The following SARS2 variants were observed in gnomAD, a reference collection of about 807,000 sequenced individuals.
The protein encoded by SARS2 is serine--tRNA ligase, mitochondrial.
Under a neutral mutation model 66.8 loss-of-function variants are expected in SARS2, and 52 were observed. The ratio of observed to expected loss-of-function variants is 0.78; its 90% CI spans 0.62 to 0.98. The LOEUF (loss-of-function observed/expected upper bound fraction) is 0.98, where lower values mean the gene tolerates loss of function less well. Among genes scored for constraint, SARS2 ranks in the 50% least tolerant of loss-of-function variants. SARS2 has a pLI of 0.00. For synonymous variants in SARS2, 306 were observed against 281.4 expected, an observed-to-expected ratio of 1.09 and a Z score of -0.87; for missense variants, 673 against 706.3, an observed-to-expected ratio of 0.95 and a Z score of 0.53.
intron 5 of SARS2, among the ~76,000 whole-genome samples, chr19:38,920,982 C>CACAGAT (rs1974518088): frequency 6.6e-6 from 1 of 150,482 alleles, no homozygotes; most frequent in South Asian, 2.1e-4. Flanking sequence ...CACACACAAA[C>CACAGAT]ACAGACACAC....
chr19:38,920,068 G>C lies in SARS2; in HGVS notation c.653+18C>G, dbSNP rs977210424. Reference sequence around the variant, plus strand: ...GGCAGCTGGGAGAGGGGCGTGGGGAGCCAGGGGAGGGGCTCACTTCTGACG... The same window carrying C: ...GGCAGCTGGGAGAGGGGCGTGGGGACCCAGGGGAGGGGCTCACTTCTGACG... On this transcript the variant is annotated intron_variant, in intron 6 of 15. Transcript: ENST00000221431. 1.2e-5 allele frequency: 18 copies of C among 1,556,398 alleles called. No individual in the cohort carries two copies. Among genetic ancestry groups the C allele is most frequent in the South Asian group, 2.4e-5 (2 of 84,486 alleles).
intron 9 of SARS2, 80 bp downstream of exon 9, chr19:38,918,342 C>T (rs550590004): frequency 1.3e-4 from 181 of 1,356,808 alleles, no homozygotes; most frequent in Middle Eastern, 6.3e-4. Flanking sequence ...GCAGGTGATC[C>T]CCCCCAGTGC....
At position 38,930,562 on chromosome 19, in the gene SARS2, C is replaced by A; in HGVS notation, c.175G>T (p.Asp59Tyr). ...GGGCATGCGCAGAACCGCTCTATGT[C>A]CAGCTGAGGGAGTGCGCTGTAGCCC... ...REGYSALPQLDIERFCACPEE... is the reference protein window; with the variant it reads ...REGYSALPQLYIERFCACPEE... The change falls in exon 1 of 16, where the codon GAC becomes TAC. Residue 59 changes from aspartate to tyrosine, a missense_variant. By Grantham distance (160) the Asp-to-Tyr change is radical. Transcript: ENST00000221431. The A allele has an allele frequency of 2.5e-6, 4 of 1,613,904 alleles. No individual in the cohort carries two copies. The highest frequency in any genetic ancestry group is 3.4e-6 in the Non-Finnish European group (4 of 1,180,018).
chr19:38,917,050 C>T (rs1482578444), intron 12 of SARS2, among the ~76,000 whole-genome samples: 1 of 151,652 alleles, frequency 6.6e-6, no homozygotes, highest in African/African-American at 2.4e-5. Flanking sequence ...GTAGCCTCCA[C>T]CTCCTGGGTT....
intron 1 of SARS2, among the ~76,000 whole-genome samples, chr19:38,929,115 G>A (rs1974681120): frequency 6.6e-6 from 1 of 152,114 alleles, no homozygotes; most frequent in South Asian, 2.1e-4. Context: ...TACTCGGGAG[G>A]CTGAGGTGGG....
intron 1 of SARS2, 62 bp downstream of exon 1, chr19:38,930,408 G>C (rs1974713889): frequency 6.5e-7 from 1 of 1,531,520 alleles, no homozygotes; most frequent in East Asian, 2.3e-5. Flanking sequence ...AGGGCATCTT[G>C]CAAACCCAAT....
At chr19:38,919,677 A>C in intron 7 of SARS2, 85 bp downstream of exon 7, 1 of 988,800 alleles carries the variant, frequency 1.0e-6, no homozygotes, top group Non-Finnish European at 1.6e-6. Context: ...AGGGCAGAGC[A>C]GAGATCACTC....
intron 1 of SARS2, among the ~76,000 whole-genome samples, chr19:38,929,180 A>G (rs1246139899): frequency 1.3e-5 from 2 of 151,632 alleles, no homozygotes; most frequent in Non-Finnish European, 2.9e-5. Context: ...CCTGGGAGAC[A>G]AGAGCAAAAC....
intron 5 of SARS2, among the ~76,000 whole-genome samples, chr19:38,920,677 A>G (rs1445488169): frequency 2.6e-5 from 4 of 152,108 alleles, no homozygotes; most frequent in Middle Eastern, 3.4e-3. Context: ...AGACAGACAC[A>G]CAGATACACG....
intron 1 of SARS2, among the ~76,000 whole-genome samples, chr19:38,927,562 A>T (rs181446899): frequency 5.3e-5 from 8 of 151,570 alleles, no homozygotes; most frequent in Non-Finnish European, 1.0e-4. Flanking sequence ...TGGGTGACAG[A>T]GTGAGACCTT....
At chr19:38,926,932 ATTT>A (rs771202609) in intron 1 of SARS2, among the ~76,000 whole-genome samples, 2 of 138,960 alleles carry the variant, frequency 1.4e-5, no homozygotes, top group Admixed American at 7.2e-5. Flanking sequence ...CCTCTAAGAA[ATTT>A]TTTTTTTTTT....
At chr19:38,928,413 T>C (rs1344441227) in intron 1 of SARS2, 2 of 37,602 alleles carry the variant, frequency 5.3e-5, no homozygotes, top group Non-Finnish European at 8.4e-5. Context: ...AACACACCCC[T>C]GGCCCCCCCC....
chr19:38,916,952 C>T (rs12462338), intron 12 of SARS2, among the ~76,000 whole-genome samples: 27,829 of 151,066 alleles, frequency 0.18, 2,719 homozygotes, highest in East Asian at 0.29. Flanking sequence ...TGTGAGCCAC[C>T]GTGCCTGGCC....
chr19:38,928,829 T>A lies in SARS2; in HGVS notation c.267+1641A>T, dbSNP rs80341637. On this transcript the variant is annotated intron_variant, in intron 1 of 15. Coordinates refer to ENST00000221431, the MANE Select transcript of SARS2 (RefSeq NM_017827.4). Reference sequence around the variant, plus strand: ...TGCCTTCACAGCATTTACCACAGATTATAATGAGTATATCTGTCTCTATGA... The same window carrying A: ...TGCCTTCACAGCATTTACCACAGATAATAATGAGTATATCTGTCTCTATGA... Among the ~76,000 whole-genome samples, 8 of 152,316 alleles carry A rather than the reference T, an allele frequency of 5.3e-5. No individual in the cohort carries two copies. The East Asian group carries it at 1.3e-3, about 26-fold the overall frequency.
Position 38,915,853 on chromosome 19 carries a change from A to G in SARS2, c.1401T>C (p.Ser467=). 1 of 1,613,316 alleles carries G rather than the reference A, an allele frequency of 6.2e-7. No homozygotes were observed. The highest frequency in any genetic ancestry group is 8.5e-7 in the Non-Finnish European group (1 of 1,179,908). ...VPRLLIALLE[S]NQQKDGSVLV... ...CTCAGCCCCTCACCTTCTGCTGGTT[A>G]CTCTCCAGGAGCGCGATGAGAAGGC... The change falls in exon 15 of 16, where the codon AGT becomes AGC. Residue 467 remains serine (S), a synonymous_variant. Coordinates refer to ENST00000221431, the MANE Select transcript of SARS2 (RefSeq NM_017827.4).
At chr19:38,928,220 A>G (rs558744851) in intron 1 of SARS2, 1 of 152,348 alleles carries the variant, frequency 6.6e-6, no homozygotes, top group African/African-American at 2.4e-5. Flanking sequence ...TCTACTAAAA[A>G]TACAAAAATT....
At chr19:38,922,979 C>A (rs1974564821) in intron 2 of SARS2, among the ~76,000 whole-genome samples, 2 of 150,814 alleles carry the variant, frequency 1.3e-5, no homozygotes, top group Admixed American at 1.3e-4. Flanking sequence ...TCTTGGCTCA[C>A]TGCAAGCTCC....
At chr19:38,921,851 T>C in intron 3 of SARS2, 184 bp from the exon 4 acceptor site, 2 of 1,323,286 alleles carry the variant, frequency 1.5e-6, no homozygotes, top group Non-Finnish European at 2.1e-6. Context: ...GGGAAAAGAA[T>C]CAGGCCTGGC....
intron 5 of SARS2, among the ~76,000 whole-genome samples, chr19:38,920,872 T>G (rs559797705): frequency 7.3e-6 from 1 of 136,246 alleles, no homozygotes; most frequent in African/African-American, 2.8e-5. Flanking sequence ...CACAGATACA[T>G]AGACACACAC....
Sources: gnomAD v4.1 joint callset for allele counts (sites outside exome capture counted in the v4.1 genomes callset) on GRCh38, gnomAD v4.1.1 for gene constraint, MANE v1.5 for transcripts, NCBI Gene and HGNC (gene_info 2026-07-23, HGNC 2026-07-21) for gene names.